Variants in ERC2 observed in about 807,000 individuals in gnomAD.
ERC2 encodes ERC protein 2.
A neutral mutation model predicts 114.8 loss-of-function variants in ERC2; 42 were observed. The observed-to-expected ratio is 0.37, with a 90% CI of 0.29 to 0.47. The LOEUF (loss-of-function observed/expected upper bound fraction) is 0.47. Ranked by LOEUF, ERC2 falls within the 20% of genes least tolerant of loss-of-function variation. ERC2 has a pLI of 0.99. For missense variants in ERC2, 939 were observed against 1,150.7 expected, an observed-to-expected ratio of 0.82 and a Z score of 2.66; for synonymous variants, 454 against 425.5, an observed-to-expected ratio of 1.07 and a Z score of -0.82.
At chr3:55,783,713 A>T (rs992560437) in intron 14 of ERC2, among the ~76,000 whole-genome samples, 4 of 152,144 alleles carry the variant, frequency 2.6e-5, no homozygotes, top group Non-Finnish European at 5.9e-5. Flanking sequence ...ATATAGAAAA[A>T]AAAATAGTCA....
intron 17 of ERC2, among the ~76,000 whole-genome samples, chr3:55,650,776 T>G (rs2060584325): frequency 6.6e-6 from 1 of 152,016 alleles, no homozygotes; most frequent in Admixed American, 6.6e-5. Flanking sequence ...ATGAATCACC[T>G]AGGCAAAATT....
chr3:56,009,122 A>G (rs1432554516), intron 9 of ERC2, among the ~76,000 whole-genome samples: 1 of 152,240 alleles, frequency 6.6e-6, no homozygotes, highest in African/African-American at 2.4e-5. Context: ...CTTACAGCTT[A>G]TGCTCCACCA....
At chr3:55,832,933 G>A (rs919176568) in intron 14 of ERC2, among the ~76,000 whole-genome samples, 100 of 152,188 alleles carry the variant, frequency 6.6e-4, no homozygotes, top group African/African-American at 2.4e-3. Flanking sequence ...GGAGCTGAAA[G>A]CCAAGGCTCG....
chr3:56,262,123 AT>A (rs778922292), intron 3 of ERC2, among the ~76,000 whole-genome samples: 3 of 152,144 alleles, frequency 2.0e-5, no homozygotes, highest in Non-Finnish European at 2.9e-5. Flanking sequence ...ATTGACAGGC[AT>A]TTAGGTTGAT....
intron 3 of ERC2, among the ~76,000 whole-genome samples, chr3:56,219,964 T>C (rs943816408): frequency 6.6e-6 from 1 of 152,140 alleles, no homozygotes; most frequent in Non-Finnish European, 1.5e-5. Flanking sequence ...AAAATGAAAA[T>C]TGCGGAAAGT....
At chr3:55,512,612 T>G (rs2052168307) in intron 17 of ERC2, among the ~76,000 whole-genome samples, 1 of 151,594 alleles carries the variant, frequency 6.6e-6, no homozygotes, top group African/African-American at 2.4e-5. Context: ...TTTGTTTTGT[T>G]TTGTTTTACA....
At chr3:56,385,543 A>C (rs1168329851) in intron 2 of ERC2, among the ~76,000 whole-genome samples, 1 of 152,136 alleles carries the variant, frequency 6.6e-6, no homozygotes, top group African/African-American at 2.4e-5. Context: ...GTGGGTGAAA[A>C]CGGAACATGA....
intron 13 of ERC2, among the ~76,000 whole-genome samples, chr3:55,907,347 A>G (rs1261642460): frequency 2.6e-5 from 4 of 152,168 alleles, no homozygotes; most frequent in Non-Finnish European, 5.9e-5. Flanking sequence ...TGAGCCTCTG[A>G]TTCCTTAACT....
Position 56,193,437 on chromosome 3 carries a change from G to A in ERC2, c.1075-19917C>T, listed in dbSNP as rs188994806. On this transcript the variant is annotated intron_variant, in intron 3 of 17. Transcript: ENST00000288221. ...GCAAGAGAATCGCTTGAATCTAGAG[G>A]CAGAGGTTGCAGTGAGCCAAGATCA... Among the ~76,000 whole-genome samples the A allele has an allele frequency of 1.8e-4, 27 of 151,952 alleles. No individual in the cohort carries two copies. The East Asian group carries it at 4.9e-3, about 27-fold the overall frequency.
chr3:56,189,834 C>T (rs560564147), intron 3 of ERC2, among the ~76,000 whole-genome samples: 44 of 152,198 alleles, frequency 2.9e-4, no homozygotes, highest in Non-Finnish European at 6.3e-4. Flanking sequence ...TCAAAAACCT[C>T]ACCATCTAAT....
intron 4 of ERC2, among the ~76,000 whole-genome samples, chr3:56,158,998 C>T (rs2149982645): frequency 6.6e-6 from 1 of 152,204 alleles, no homozygotes; most frequent in African/African-American, 2.4e-5. Context: ...GGCAGTTTCT[C>T]ATGAATGGTT....
chr3:55,868,092 C>G (rs911848166), intron 14 of ERC2, among the ~76,000 whole-genome samples: 19 of 152,288 alleles, frequency 1.2e-4, no homozygotes, highest in African/African-American at 4.1e-4. Context: ...GCTTTCCTGA[C>G]GATGTGTACG....
chr3:55,625,396 GAGAA>G (rs2059479616), intron 17 of ERC2, among the ~76,000 whole-genome samples: 1 of 142,856 alleles, frequency 7.0e-6, no homozygotes, highest in African/African-American at 2.6e-5. Flanking sequence ...AAAAAGAAAA[GAGAA>G]AGAAATAGCT....
chr3:55,621,154 G>GCCCCCCCC (rs1253498923), intron 17 of ERC2, among the ~76,000 whole-genome samples: 4 of 151,004 alleles, frequency 2.6e-5, no homozygotes, highest in African/African-American at 9.8e-5. Context: ...GACTCTAACT[G>GCCCCCCCC]CCCCCCCTCC....
chr3:55,809,599 GAAATA>G, intron 14 of ERC2, among the ~76,000 whole-genome samples: 1 of 152,156 alleles, frequency 6.6e-6, no homozygotes, highest in South Asian at 2.1e-4. Flanking sequence ...AAAACAATAA[GAAATA>G]AAATAAAATA....
chr3:55,845,751 A>T (rs1308971650), intron 14 of ERC2, among the ~76,000 whole-genome samples: 1 of 152,268 alleles, frequency 6.6e-6, no homozygotes. Context: ...CACCAGATTC[A>T]AGAAGCTACT....
chr3:55,680,500 T>C (rs956619697), intron 17 of ERC2, among the ~76,000 whole-genome samples: 2 of 152,230 alleles, frequency 1.3e-5, no homozygotes, highest in African/African-American at 4.8e-5. Flanking sequence ...AAATGATACC[T>C]ACATTAAGTG....
intron 2 of ERC2, among the ~76,000 whole-genome samples, chr3:56,403,173 A>T (rs1057170825): frequency 6.6e-6 from 1 of 152,142 alleles, no homozygotes; most frequent in African/African-American, 2.4e-5. Flanking sequence ...TTCCTTATAG[A>T]TGGTCATTGA....
intron 3 of ERC2, among the ~76,000 whole-genome samples, chr3:56,202,199 T>C (rs1298938106): frequency 1.3e-5 from 2 of 152,138 alleles, no homozygotes; most frequent in Non-Finnish European, 2.9e-5. Flanking sequence ...CTCATTTGGG[T>C]TTTGAAAGCC....
Sources: allele counts gnomAD v4.1 joint callset (sites outside exome capture counted in the v4.1 genomes callset), GRCh38; gene constraint gnomAD v4.1.1; transcripts MANE v1.5; gene names NCBI Gene and HGNC (gene_info 2026-07-23, HGNC 2026-07-21).